The following SETBP1 variants were observed in gnomAD, a reference collection of about 807,000 sequenced individuals.
SETBP1 encodes SET binding protein 1.
A neutral mutation model predicts 101.0 loss-of-function variants in SETBP1; 9 were observed. That is an observed-to-expected ratio of 0.09 (90% CI 0.05 to 0.16). The LOEUF (loss-of-function observed/expected upper bound fraction) is 0.16. Ranked by LOEUF, SETBP1 falls within the 10% of genes least tolerant of loss-of-function variation. SETBP1 has a pLI of 1.00. For missense variants in SETBP1, 1,858 were observed against 2,033.8 expected (o/e 0.91, Z 1.66); for synonymous variants, 818 against 788.5 (o/e 1.04, Z -0.63).
chr18:44,917,868 G>A (rs1444004121), intron 3 of SETBP1, among the ~76,000 whole-genome samples: 6 of 152,034 alleles, frequency 3.9e-5, no homozygotes, highest in Non-Finnish European at 8.8e-5. Flanking sequence ...TGGGACTCCC[G>A]GGAGCCAGGT....
At chr18:44,938,624 G>A (rs770179480) in intron 3 of SETBP1, among the ~76,000 whole-genome samples, 1 of 152,214 alleles carries the variant, frequency 6.6e-6, no homozygotes, top group Admixed American at 6.5e-5. Context: ...TGATTTGTGA[G>A]CCAGGTTCTT....
intron 2 of SETBP1, among the ~76,000 whole-genome samples, chr18:44,837,440 T>C (rs995387500): frequency 9.2e-5 from 14 of 152,356 alleles, no homozygotes; most frequent in African/African-American, 3.4e-4. Context: ...GTTAAATGCA[T>C]TAAAATAAAT....
chr18:44,685,303 C>A (rs376761389), intron 1 of SETBP1, among the ~76,000 whole-genome samples: 22 of 152,306 alleles, frequency 1.4e-4, no homozygotes, highest in African/African-American at 5.3e-4. Flanking sequence ...CAAAAATACC[C>A]CCTTTCATAT....
intron 4 of SETBP1, among the ~76,000 whole-genome samples, chr18:44,979,300 C>A (rs2072059544): frequency 6.6e-6 from 1 of 152,200 alleles, no homozygotes; most frequent in Non-Finnish European, 1.5e-5. Flanking sequence ...TCTGTTTTAA[C>A]TTTGCCCCTA....
At chr18:44,877,126 G>A in intron 3 of SETBP1, 2 of 998,606 alleles carry the variant, frequency 2.0e-6, no homozygotes, top group Non-Finnish European at 2.4e-6. Flanking sequence ...CTTACCCCAT[G>A]CTATACAGAG....
chr18:45,006,491 T>C (rs893994113), intron 4 of SETBP1, among the ~76,000 whole-genome samples: 1 of 152,162 alleles, frequency 6.6e-6, no homozygotes, highest in African/African-American at 2.4e-5. Flanking sequence ...GCAGAATTGG[T>C]TCCTTTTTAG....
chr18:44,828,429 C>T (rs2072284036), intron 2 of SETBP1, among the ~76,000 whole-genome samples: 1 of 152,232 alleles, frequency 6.6e-6, no homozygotes, highest in Non-Finnish European at 1.5e-5. Flanking sequence ...TCAGATACTA[C>T]TGAACTTGAT....
intron 3 of SETBP1, among the ~76,000 whole-genome samples, chr18:44,911,763 T>C (rs1248891969): frequency 6.6e-6 from 1 of 152,176 alleles, no homozygotes; most frequent in Admixed American, 6.5e-5. Context: ...CACCACCCCA[T>C]ACCTGTTCCC....
intron 3 of SETBP1, among the ~76,000 whole-genome samples, chr18:44,919,942 C>G (rs1258321629): frequency 6.6e-6 from 1 of 152,136 alleles, no homozygotes; most frequent in Admixed American, 6.5e-5. Flanking sequence ...TATCTCCTTT[C>G]TCCCCACTAG....
intron 4 of SETBP1, among the ~76,000 whole-genome samples, chr18:45,020,308 C>T (rs531438097): frequency 3.2e-4 from 44 of 139,006 alleles, no homozygotes; most frequent in Admixed American, 7.5e-4. Context: ...GGCTTCTCCT[C>T]GAAGGCAACA....
intron 3 of SETBP1, among the ~76,000 whole-genome samples, chr18:44,932,761 G>A (rs1369513215): frequency 3.3e-5 from 5 of 152,034 alleles, no homozygotes; most frequent in Admixed American, 6.5e-5. Flanking sequence ...CATGCATCAC[G>A]TAGTTCTCGT....
chr18:44,803,750 C>T (rs894060332), intron 2 of SETBP1, among the ~76,000 whole-genome samples: 1 of 152,096 alleles, frequency 6.6e-6, no homozygotes, highest in Non-Finnish European at 1.5e-5. Context: ...CTTTACATTT[C>T]TTAATTTTTC....
intron 3 of SETBP1, among the ~76,000 whole-genome samples, chr18:44,883,380 C>G (rs1326383257): frequency 6.6e-6 from 1 of 152,172 alleles, no homozygotes; most frequent in Admixed American, 6.5e-5. Context: ...TATTCTTCCT[C>G]CATCTTTCTC....
chr18:44,880,565 G>C (rs957558883), intron 3 of SETBP1, among the ~76,000 whole-genome samples: 3 of 152,194 alleles, frequency 2.0e-5, no homozygotes, highest in African/African-American at 7.2e-5. Flanking sequence ...AGGTTTAGTT[G>C]GCTAATGGTT....
At chr18:44,757,185 A>G (rs2070515975) in intron 2 of SETBP1, among the ~76,000 whole-genome samples, 1 of 152,094 alleles carries the variant, frequency 6.6e-6, no homozygotes, top group African/African-American at 2.4e-5. Context: ...GTTGGAGATT[A>G]TTTCCAAAAT....
At chr18:45,005,624 G>A (rs180973976) in intron 4 of SETBP1, among the ~76,000 whole-genome samples, 3 of 150,618 alleles carry the variant, frequency 2.0e-5, no homozygotes, top group South Asian at 2.1e-4. Flanking sequence ...TCCTGCCTCC[G>A]TGAAGTCTTA....
chr18:44,804,840 C>A (rs994315963), intron 2 of SETBP1, among the ~76,000 whole-genome samples: 13 of 152,104 alleles, frequency 8.5e-5, no homozygotes, highest in Non-Finnish European at 1.9e-4. Flanking sequence ...TTCTTACACT[C>A]TCATGGTTTT....
intron 2 of SETBP1, among the ~76,000 whole-genome samples, chr18:44,767,045 G>A (rs1000175138): frequency 1.3e-5 from 2 of 152,152 alleles, no homozygotes; most frequent in African/African-American, 4.8e-5. Flanking sequence ...GTTTCACAGA[G>A]CAAATTTAGA....
intron 3 of SETBP1, among the ~76,000 whole-genome samples, chr18:44,946,110 C>G (rs765288717): frequency 1.3e-5 from 2 of 152,220 alleles, no homozygotes; most frequent in Non-Finnish European, 2.9e-5. Flanking sequence ...TCTTAGAAAG[C>G]ACTCCTTCTG....
Sources: gnomAD v4.1 joint callset for allele counts (sites outside exome capture counted in the v4.1 genomes callset) on GRCh38, gnomAD v4.1.1 for gene constraint, MANE v1.5 for transcripts, NCBI Gene and HGNC (gene_info 2026-07-23, HGNC 2026-07-21) for gene names.